Variants in TAB2 observed in about 807,000 individuals in gnomAD.
The protein encoded by TAB2 is TGF-beta activated kinase 1 (MAP3K7) binding protein 2.
TAB2 carries 3 observed loss-of-function variants against 65.0 expected under a neutral mutation model. That is an observed-to-expected ratio of 0.05 (90% CI 0.02 to 0.12). TAB2 has a LOEUF of 0.12. Ranked by LOEUF, TAB2 falls within the 10% of genes least tolerant of loss-of-function variation. The pLI is 1.00. For synonymous variants in TAB2, 298 were observed against 285.1 expected, an observed-to-expected ratio of 1.05 and a Z score of -0.46; for missense variants, 623 against 840.3, an observed-to-expected ratio of 0.74 and a Z score of 3.20.
intron 1 of TAB2, among the ~76,000 whole-genome samples, chr6:149,275,409 AAAAT>A (rs955390249): frequency 2.6e-5 from 4 of 152,196 alleles, no homozygotes; most frequent in African/African-American, 9.7e-5. Context: ...CTTGAGCAAC[AAAAT>A]AAATAAAGTA....
chr6:149,304,959 T>C (rs1430678460), intron 1 of TAB2, among the ~76,000 whole-genome samples: 1 of 152,244 alleles, frequency 6.6e-6, no homozygotes, highest in Non-Finnish European at 1.5e-5. Context: ...TTTAATCATC[T>C]CTAGATTATT....
intron 6 of TAB2, chr6:149,401,293 G>C (rs1306163665): frequency 1.2e-5 from 2 of 166,382 alleles, no homozygotes; most frequent in Non-Finnish European, 2.9e-5. Context: ...AATAAAAACA[G>C]GATCCAATAA....
At chr6:149,265,645 G>A (rs1778249475) in intron 1 of TAB2, among the ~76,000 whole-genome samples, 1 of 152,216 alleles carries the variant, frequency 6.6e-6, no homozygotes, top group African/African-American at 2.4e-5. Context: ...GTAGAATAAA[G>A]GGACTATAAC....
chr6:149,307,370 G>C (rs1407721275), intron 1 of TAB2, among the ~76,000 whole-genome samples: 1 of 152,138 alleles, frequency 6.6e-6, no homozygotes, highest in Non-Finnish European at 1.5e-5. Context: ...AATTTATGAA[G>C]TTTGGGGAAC....
chr6:149,309,688 C>T (rs1231798591), intron 1 of TAB2, among the ~76,000 whole-genome samples: 4 of 148,916 alleles, frequency 2.7e-5, no homozygotes, highest in African/African-American at 1.0e-4. Context: ...TGAGCCACCA[C>T]GCCTGCCCTC....
chr6:149,280,188 G>T (rs949914375), intron 1 of TAB2, among the ~76,000 whole-genome samples: 2 of 152,086 alleles, frequency 1.3e-5, no homozygotes, highest in African/African-American at 4.8e-5. Flanking sequence ...TCTTTCTTAG[G>T]CATGTTGCTT....
intron 1 of TAB2, among the ~76,000 whole-genome samples, chr6:149,273,377 C>A (rs1375831635): frequency 6.6e-6 from 1 of 152,156 alleles, no homozygotes; most frequent in Non-Finnish European, 1.5e-5. Context: ...TGGCATGGAA[C>A]AAACATTTCA....
intron 1 of TAB2, chr6:149,291,725 G>A (rs1263233984): frequency 6.6e-6 from 1 of 152,358 alleles, no homozygotes; most frequent in African/African-American, 2.4e-5. Flanking sequence ...GCCAGGGGTG[G>A]TGGTGGGTGC....
intron 1 of TAB2, among the ~76,000 whole-genome samples, chr6:149,238,717 C>T (rs1177683593): frequency 6.6e-6 from 1 of 152,192 alleles, no homozygotes; most frequent in Non-Finnish European, 1.5e-5. Context: ...GCAAAGCCTG[C>T]ACATCCCGGA....
intron 2 of TAB2, among the ~76,000 whole-genome samples, chr6:149,377,386 T>A (rs1781440787): frequency 6.6e-6 from 1 of 151,602 alleles, no homozygotes; most frequent in Non-Finnish European, 1.5e-5. Context: ...CTGGAGTAGA[T>A]TTTTATGATG....
At chr6:149,284,613 G>A (rs968443696) in intron 1 of TAB2, among the ~76,000 whole-genome samples, 17 of 150,260 alleles carry the variant, frequency 1.1e-4, no homozygotes, top group African/African-American at 2.7e-4. Flanking sequence ...TTCACTCTGA[G>A]TAAATTCATA....
At chr6:149,308,037 A>C in intron 1 of TAB2, among the ~76,000 whole-genome samples, 1 of 152,264 alleles carries the variant, frequency 6.6e-6, no homozygotes, top group Middle Eastern at 3.4e-3. Flanking sequence ...TTTCATGTCA[A>C]TGTATATAGA....
intron 1 of TAB2, among the ~76,000 whole-genome samples, chr6:149,229,432 A>G (rs1033463496): frequency 1.3e-5 from 2 of 151,166 alleles, no homozygotes; most frequent in Non-Finnish European, 2.9e-5. Context: ...GTGTGTGTGT[A>G]ATTTTTTTCT....
chr6:149,319,437 C>T (rs1408823896), intron 1 of TAB2, among the ~76,000 whole-genome samples: 1 of 152,142 alleles, frequency 6.6e-6, no homozygotes, highest in Admixed American at 6.5e-5. Flanking sequence ...TTGTTGTAGG[C>T]TTTGGCTGAG....
rs56320882 is a variant in TAB2, at chr6:149,307,933, C to A, written c.-120-70085C>A. ...ACTTTTTTCTATACATACCCACATTCAGACAAACACCCACATTTTTAAAAT... is the reference window on the plus strand; with the variant it reads ...ACTTTTTTCTATACATACCCACATTAAGACAAACACCCACATTTTTAAAAT... On this transcript the variant is annotated intron_variant, in intron 1 of 1. Transcript: ENST00000606202. 5.2e-3 allele frequency among the ~76,000 whole-genome samples: 794 copies of A among 152,292 alleles called. 2 individuals are homozygous for A. Among genetic ancestry groups the A allele is most frequent in the African/African-American group, 0.018 (758 of 41,542 alleles).
rs762873510 is a variant in TAB2 at position 149,378,162 on chromosome 6, C to G, written c.247C>G (p.Gln83Glu). ...NHMTSLNLDLQSQNIYHHGRE... is the reference protein window; with the variant it reads ...NHMTSLNLDLESQNIYHHGRE... Reference sequence around the variant, plus strand: ...CATGACTTCTCTCAACTTGGACTTGCAATCACAGAACATTTACCACCATGG... The same window carrying G: ...CATGACTTCTCTCAACTTGGACTTGGAATCACAGAACATTTACCACCATGG... The change falls in exon 3 of 7, where the codon CAA (glutamine) becomes GAA (glutamate). Residue 83 changes from glutamine to glutamate, a missense_variant. By Grantham distance (29) the Gln-to-Glu change is conservative. Coordinates refer to ENST00000637181, the MANE Select transcript of TAB2 (RefSeq NM_001292034.3). 2.5e-6 allele frequency: 4 copies of G among 1,614,038 alleles called. No homozygotes were observed. The highest frequency in any genetic ancestry group is 1.3e-5 in the African/African-American group (1 of 74,892).
At chr6:149,320,683 A>T (rs149940424) in intron 1 of TAB2, among the ~76,000 whole-genome samples, 23 of 151,040 alleles carry the variant, frequency 1.5e-4, no homozygotes, top group Admixed American at 1.2e-3. Context: ...TTTTTTTTTG[A>T]GTTATATAAA....
chr6:149,407,483 T>G (rs1782703749), intron 6 of TAB2, among the ~76,000 whole-genome samples: 1 of 152,184 alleles, frequency 6.6e-6, no homozygotes, highest in Non-Finnish European at 1.5e-5. Context: ...TGTTTGAAAT[T>G]TTCTGTAATA....
At chr6:149,381,576 T>TC (rs1781610324) in intron 3 of TAB2, among the ~76,000 whole-genome samples, 1 of 144,162 alleles carries the variant, frequency 6.9e-6, no homozygotes, top group South Asian at 2.4e-4. Flanking sequence ...ATTCTTTTTT[T>TC]TTTTTTTTTT....
Sources: allele counts gnomAD v4.1 joint callset (sites outside exome capture counted in the v4.1 genomes callset), GRCh38; gene constraint gnomAD v4.1.1; transcripts MANE v1.5; gene names NCBI Gene and HGNC (gene_info 2026-07-23, HGNC 2026-07-21).